The following ADAMTS13 variants were observed in gnomAD, a reference collection of about 807,000 sequenced individuals.
The protein encoded by ADAMTS13 is ADAM metallopeptidase with thrombospondin type 1 motif 13.
ADAMTS13 carries 110 observed loss-of-function variants against 155.1 expected under a neutral mutation model. The ratio of observed to expected loss-of-function variants is 0.71; its 90% CI spans 0.61 to 0.83. The LOEUF (loss-of-function observed/expected upper bound fraction) is 0.83. Ranked by LOEUF, ADAMTS13 falls within the 40% of genes least tolerant of loss-of-function variation. The probability of loss-of-function intolerance (pLI) is 0.00; values close to 1 mark genes in which losing one functional copy is unlikely to be tolerated. For missense variants in ADAMTS13, 1,707 were observed against 1,891.7 expected (o/e 0.90, Z 1.81); for synonymous variants, 758 against 756.4 (o/e 1.00, Z -0.03).
intron 19 of ADAMTS13, among the ~76,000 whole-genome samples, chr9:133,444,093 C>T (rs781806913): frequency 1.4e-4 from 22 of 152,166 alleles, no homozygotes; most frequent in South Asian, 6.2e-4. Flanking sequence ...TTCCCCGCCT[C>T]GTCATCCGTG....
At chr9:133,414,861 C>T in intron 1 of ADAMTS13, 1 of 1,614,158 alleles carries the variant, frequency 6.2e-7, no homozygotes. Flanking sequence ...CTGCTGGCCT[C>T]CTGGTCTTTT....
rs1332692765 is a variant in ADAMTS13, at chr9:133,425,013, C to A, written c.331-516C>A. Among the ~76,000 whole-genome samples the A allele has an allele frequency of 1.3e-5, 2 of 152,138 alleles. No individual in the cohort carries two copies. The highest frequency in any genetic ancestry group is 2.9e-5 in the Non-Finnish European group (2 of 68,026). On this transcript the variant is annotated intron_variant, in intron 3 of 28. Transcript: ENST00000355699. The surrounding 1 kb of genome is among the most constrained non-coding windows in gnomAD (Gnocchi z 4.6). ...AAGGGCGGGCAGGGAAGCACTCCCC[C>A]ACTAGCCGCCGTCTCAGAAAGACAA...
intron 1 of ADAMTS13, chr9:133,414,982 T>C (rs1554781258): frequency 6.3e-7 from 1 of 1,593,846 alleles, no homozygotes; most frequent in Admixed American, 1.9e-5. Context: ...GAGGCTTTTC[T>C]GGGGCCTGAG....
chr9:133,438,668 C>CT (rs1841432518), intron 14 of ADAMTS13, among the ~76,000 whole-genome samples: 1 of 152,134 alleles, frequency 6.6e-6, no homozygotes, highest in African/African-American at 2.4e-5. Context: ...ACTCCCGGCA[C>CT]TTTGGGAGGC....
rs1554791264 is a variant in ADAMTS13 at position 133,442,699 on chromosome 9, A to G, written c.2190A>G (p.Pro730=). The G allele has an allele frequency of 1.2e-6, 2 of 1,613,084 alleles. No individual in the cohort carries two copies. The highest frequency in any genetic ancestry group is 1.1e-5 in the South Asian group (1 of 91,086). The part of the protein sequence containing the change: ...ETVQCQGSQQ[P]PAWPEACVLE... ...TCCAGTGCCAAGGGAGCCAGCAGCCACCAGCGTGGCCAGAGGCCTGCGTGC... is the reference window on the plus strand; with the variant it reads ...TCCAGTGCCAAGGGAGCCAGCAGCCGCCAGCGTGGCCAGAGGCCTGCGTGC... Residue 730 remains proline (P), a synonymous_variant, in exon 18 of 29, where the codon CCA becomes CCG. Coordinates refer to ENST00000355699, the MANE Select transcript of ADAMTS13 (RefSeq NM_139027.6).
rs1554792854 is a variant in ADAMTS13, at chr9:133,447,045, G to C, written c.2731+1226G>C. Among the ~76,000 whole-genome samples, 7 of 152,202 alleles carry C rather than the reference G, an allele frequency of 4.6e-5. 1 individual carries two copies. The South Asian group carries it at 1.5e-3, about 32-fold the overall frequency. On this transcript the variant is annotated intron_variant, in intron 21 of 28. Coordinates refer to ENST00000355699, the MANE Select transcript of ADAMTS13 (RefSeq NM_139027.6). ...GCTAATTTTTTGTTTAGTAGAGATG[G>C]GGTTTCACCATGTTGGCCAGGCTGG...
chr9:133,439,280 T>G, intron 14 of ADAMTS13, 86 bp from the exon 15 acceptor site: 2 of 1,085,610 alleles, frequency 1.8e-6, no homozygotes, highest in South Asian at 2.5e-5. Context: ...TGTTCAATTT[T>G]TCCCGACCAG....
Position 133,456,688 on chromosome 9 carries a change from GA to G in ADAMTS13, c.3694del (p.Ser1232AlafsTer24). 1.9e-6 allele frequency: 3 copies of G among 1,581,146 alleles called. No individual in the cohort carries two copies. The highest frequency in any genetic ancestry group is 2.6e-6 in the Non-Finnish European group (3 of 1,162,898). ...PGGGVLLRYG[S>X]QLAPETFYRE... ...GAGGTGGGGTGCTGCTGCGGTATGGGAGCCAGCTTGCTCCTGAAACCTTCTA... is the reference window on the plus strand; with the variant it reads ...GAGGTGGGGTGCTGCTGCGGTATGGGGCCAGCTTGCTCCTGAAACCTTCTA... On this transcript the variant is annotated frameshift_variant, in exon 27 of 29. Coordinates refer to ENST00000355699, the MANE Select transcript of ADAMTS13 (RefSeq NM_139027.6). LOFTEE classifies it high-confidence loss of function. This position sits in a 1 kb window ranked among gnomAD's most constrained non-coding sequence, Gnocchi z 4.4.
At chr9:133,458,823 G>C in intron 28 of ADAMTS13, 151 bp from the exon 29 acceptor site, 2 of 758,132 alleles carry the variant, frequency 2.6e-6, no homozygotes, top group South Asian at 3.3e-5. Context: ...CCTGGACCTC[G>C]GTTTTCTGGG....
chr9:133,417,707 G>C (rs782013660), upstream of ADAMTS13: 2 of 1,614,120 alleles, frequency 1.2e-6, no homozygotes, highest in African/African-American at 2.7e-5. Flanking sequence ...CTGGCTTCTT[G>C]CTTACTTCCC....
At chr9:133,436,434 C>T (rs968201217) in intron 11 of ADAMTS13, among the ~76,000 whole-genome samples, 4 of 152,246 alleles carry the variant, frequency 2.6e-5, no homozygotes, top group African/African-American at 4.8e-5. Context: ...AAGTCCAAGA[C>T]GCCTGCCTGA....
rs1462004544 is a variant in ADAMTS13, at chr9:133,433,410, GGAGCT to G, written c.1128_1132del (p.Glu376AspfsTer12). 2 of 1,613,044 alleles carry G rather than the reference GGAGCT, an allele frequency of 1.2e-6. No individual in the cohort carries two copies. Among genetic ancestry groups the G allele is most frequent in the African/African-American group, 2.7e-5 (2 of 74,864 alleles). The stretch of plus-strand genomic sequence containing the variant: ...CCAAGGGTCGCTGCCGCTCCCTGGT[GGAGCT>G]GACCCCCATAGCAGCAGTGCATGGG... On this transcript the variant is annotated frameshift_variant, in exon 10 of 29. Transcript: ENST00000355699. LOFTEE classifies it high-confidence loss of function.
chr9:133,442,745 T>C lies in ADAMTS13; in HGVS notation c.2234+2T>C. Reference sequence around the variant, plus strand: ...CGTGCTCGAACCCTGCCCTCCCTAGTGAGTGTGGTGCTGTCTGCGCAGCTC... The same window carrying C: ...CGTGCTCGAACCCTGCCCTCCCTAGCGAGTGTGGTGCTGTCTGCGCAGCTC... On this transcript the variant is annotated splice_donor_variant, in intron 18 of 28. Coordinates refer to ENST00000355699, the MANE Select transcript of ADAMTS13 (RefSeq NM_139027.6). LOFTEE classifies it high-confidence loss of function. 6.2e-7 allele frequency: 1 copy of C among 1,612,132 alleles called. No individual in the cohort carries two copies. The highest frequency in any genetic ancestry group is 8.5e-7 in the Non-Finnish European group (1 of 1,179,840).
chr9:133,449,017 AG>A (rs1408357738), intron 22 of ADAMTS13, among the ~76,000 whole-genome samples: 1 of 152,226 alleles, frequency 6.6e-6, no homozygotes, highest in Non-Finnish European at 1.5e-5. Context: ...CTCACCTCCA[AG>A]CCAGACCTTT....
intron 18 of ADAMTS13, 150 bp downstream of exon 18, chr9:133,442,893 C>T: frequency 7.6e-7 from 1 of 1,309,570 alleles, no homozygotes; most frequent in East Asian, 2.5e-5. Flanking sequence ...CACAGCCCTG[C>T]AAGGGGGGCT....
chr9:133,443,675 C>T (rs28446901), intron 19 of ADAMTS13, 114 bp downstream of exon 19: 2 of 1,241,028 alleles, frequency 1.6e-6, no homozygotes, highest in South Asian at 1.6e-5. Flanking sequence ...GGCGGGGCCT[C>T]ACCATCCAGG....
intron 12 of ADAMTS13, 47 bp from the exon 13 acceptor site, chr9:133,437,702 C>G (rs989630514): frequency 8.7e-6 from 14 of 1,612,050 alleles, no homozygotes; most frequent in Non-Finnish European, 1.2e-5. Context: ...GGGGGACTTG[C>G]CCCTCCTGCT....
chr9:133,447,294 C>CTCTTT (rs138907651), intron 21 of ADAMTS13, among the ~76,000 whole-genome samples: 66,657 of 151,472 alleles, frequency 0.44, 15,160 homozygotes, highest in Non-Finnish European at 0.49. Flanking sequence ...TTCTTTTTCT[C>CTCTTT]TCTTTTCTTT....
intron 12 of ADAMTS13, 124 bp downstream of exon 12, chr9:133,437,079 C>A: frequency 1.5e-6 from 2 of 1,296,532 alleles, no homozygotes; most frequent in Non-Finnish European, 2.1e-6. Flanking sequence ...CAGGCTCTGG[C>A]ATCCCACAGA....
Sources: allele counts gnomAD v4.1 joint callset (sites outside exome capture counted in the v4.1 genomes callset), GRCh38; gene constraint gnomAD v4.1.1; non-coding constraint Gnocchi (gnomAD v3.1); transcripts MANE v1.5; gene names NCBI Gene and HGNC (gene_info 2026-07-23, HGNC 2026-07-21).